Variants in SLFN14 observed in about 807,000 individuals in gnomAD.
The protein encoded by SLFN14 is schlafen family member 14, also known as protein SLFN14.
SLFN14 carries 47 observed loss-of-function variants against 58.6 expected under a neutral mutation model. The ratio of observed to expected loss-of-function variants is 0.80; its 90% CI spans 0.64 to 1.02. SLFN14 has a LOEUF of 1.02. Among genes scored for constraint, SLFN14 ranks in the 50% least tolerant of loss-of-function variants. The pLI is 0.00. For synonymous variants in SLFN14, 390 were observed against 387.3 expected, an observed-to-expected ratio of 1.01 and a Z score of -0.08; for missense variants, 967 against 1,078.4, an observed-to-expected ratio of 0.90 and a Z score of 1.45.
intron 1 of SLFN14, among the ~76,000 whole-genome samples, chr17:35,560,083 T>G (rs1250404582): frequency 1.3e-5 from 2 of 152,186 alleles, no homozygotes; most frequent in Non-Finnish European, 1.5e-5. Flanking sequence ...GTCCCTCTAG[T>G]CCCTTCTAAT....
In SLFN14 at chr17:35,552,987, C is replaced by T; in HGVS notation, c.1647G>A (p.Val549=). 1 of 1,551,572 alleles carries T rather than the reference C, an allele frequency of 6.4e-7. No individual in the cohort carries two copies. ...GAGATCTGGAGGACAGGGAGACCAC[C>T]ACCAGAGCCTGCAGCAAGTCTTCCA... ...EEMEDLLQAL[V]VVSLSSRSLL... is the part of the protein sequence containing the mutation. Residue 549 remains valine (V), a synonymous_variant, in exon 5 of 6, where the codon GTG becomes GTA. Coordinates refer to ENST00000674182, the MANE Select transcript of SLFN14 (RefSeq NM_001129820.2).
chr17:35,548,280 T>C lies in SLFN14; in HGVS notation c.2698A>G (p.Lys900Glu). 1 of 1,551,710 alleles carries C rather than the reference T, an allele frequency of 6.4e-7. No individual in the cohort carries two copies. Among genetic ancestry groups the C allele is most frequent in the Non-Finnish European group, 8.7e-7 (1 of 1,146,978 alleles). The change falls in exon 6 of 6, where the codon AAA becomes GAA. Residue 900 changes from lysine (K) to glutamate (E), a missense_variant. By Grantham distance (56) the Lys-to-Glu change is moderately conservative (BLOSUM62 1). Coordinates refer to ENST00000674182, the MANE Select transcript of SLFN14 (RefSeq NM_001129820.2). ...HKLCFASRAI[K>E]HLYLLYEKRA... is the part of the protein sequence containing the mutation. ...TTTTCATAAAGCAGGTAGAGGTGTT[T>C]AATGGCTCTTGAAGCAAAGCAGAGC...
chr17:35,557,404 AC>A lies in SLFN14; in HGVS notation c.658del (p.Val220SerfsTer43). Reference protein sequence around the residue: ...VEFKRFTTKKVIPRIKEMLPH... With the variant: ...VEFKRFTTKKXIPRIKEMLPH... ...CAGCATTTCCTTAATCCGAGGTATG[AC>A]TTTTTTGGTGGTGAACCTTTTAAAT... On this transcript the variant is annotated frameshift_variant, in exon 3 of 6. Transcript: ENST00000674182. LOFTEE classifies it high-confidence loss of function. 6.4e-7 allele frequency: 1 copy of A among 1,551,672 alleles called. No homozygotes were observed. The highest frequency in any genetic ancestry group is 2.4e-5 in the East Asian group (1 of 40,918).
chr17:35,545,729 T>C lies in SLFN14; in HGVS notation c.*2510A>G, dbSNP rs986298341. On this transcript the variant is annotated 3_prime_UTR_variant, in exon 6 of 6. Coordinates refer to ENST00000674182, the MANE Select transcript of SLFN14 (RefSeq NM_001129820.2). ...GTTGCCCAGGCTGGTCTCCAACTCC[T>C]GGCTTCAAGTGATTCCCCCAGACCT... 6.6e-6 allele frequency among the ~76,000 whole-genome samples: 1 copy of C among 152,152 alleles called. No individual in the cohort carries two copies. The highest frequency in any genetic ancestry group is 2.4e-5 in the African/African-American group (1 of 41,432).
chr17:35,554,168 T>A (rs1187138614), intron 4 of SLFN14, among the ~76,000 whole-genome samples: 1 of 151,758 alleles, frequency 6.6e-6, no homozygotes, highest in African/African-American at 2.4e-5. Context: ...TTTTTGATGG[T>A]TGAGACCTGA....
At chr17:35,549,155 A>G in intron 5 of SLFN14, 82 bp from the exon 6 acceptor site, 1 of 1,087,556 alleles carries the variant, frequency 9.2e-7, no homozygotes, top group South Asian at 1.5e-5. Context: ...ATGGAATCAG[A>G]GGCTGATTCT....
In SLFN14 at chr17:35,547,334, CAA is replaced by C. The variant is rs1032621601; in HGVS notation, c.*903_*904del. 6.6e-6 allele frequency among the ~76,000 whole-genome samples: 1 copy of C among 151,968 alleles called. No individual in the cohort carries two copies. Among genetic ancestry groups the C allele is most frequent in the African/African-American group, 2.4e-5 (1 of 41,356 alleles). On this transcript the variant is annotated 3_prime_UTR_variant, in exon 6 of 6. Coordinates refer to ENST00000674182, the MANE Select transcript of SLFN14 (RefSeq NM_001129820.2). ...AATCTTATTTTATATTAAGTTGGTG[CAA>C]AAGTAATTGTGGCTTTTGCACTTTT...
Position 35,552,957 on chromosome 17 carries a change from C to G in SLFN14, c.1677G>C (p.Leu559=). 1 of 1,551,576 alleles carries G rather than the reference C, an allele frequency of 6.4e-7. No individual in the cohort carries two copies. The highest frequency in any genetic ancestry group is 1.2e-5 in the South Asian group (1 of 84,038). Residue 559 remains leucine, a synonymous_variant, in exon 5 of 6, where the codon CTG becomes CTC. Transcript: ENST00000674182. ...AAAATTCACAGCCCATCTGGTCACTCAGAAGAGATCTGGAGGACAGGGAGA... is the reference window on the plus strand; with the variant it reads ...AAAATTCACAGCCCATCTGGTCACTGAGAAGAGATCTGGAGGACAGGGAGA... ...VVVSLSSRSL[L]SDQMGCEFFN...
Position 35,557,240 on chromosome 17 carries a change from T to C in SLFN14, c.823A>G (p.Ile275Val), listed in dbSNP as rs1203355989. The change falls in exon 3 of 6, where the codon ATA becomes GTA. Residue 275 changes from isoleucine (I) to valine (V), a missense_variant. Coordinates refer to ENST00000674182, the MANE Select transcript of SLFN14 (RefSeq NM_001129820.2). ...AAGTGGAATGTAGGCAATTTTTCTATGCAGTTTTCGATTTCTTTTTTTAGT... is the reference window on the plus strand; with the variant it reads ...AAGTGGAATGTAGGCAATTTTTCTACGCAGTTTTCGATTTCTTTTTTTAGT... ...DLLKKEIENC[I>V]EKLPTFHFCC... 7.1e-6 allele frequency: 11 copies of C among 1,551,652 alleles called. No individual in the cohort carries two copies. Among genetic ancestry groups the C allele is most frequent in the East Asian group, 2.4e-5 (1 of 40,938 alleles).
rs1482897903 is a variant in SLFN14, at chr17:35,545,725, C to T, written c.*2514G>A. Among the ~76,000 whole-genome samples, 3 of 152,172 alleles carry T rather than the reference C, an allele frequency of 2.0e-5. No individual in the cohort carries two copies. The highest frequency in any genetic ancestry group is 2.9e-5 in the Non-Finnish European group (2 of 68,032). ...TTATGTTGCCCAGGCTGGTCTCCAA[C>T]TCCTGGCTTCAAGTGATTCCCCCAG... On this transcript the variant is annotated 3_prime_UTR_variant, in exon 6 of 6. Coordinates refer to ENST00000674182, the MANE Select transcript of SLFN14 (RefSeq NM_001129820.2).
rs1208770440 is a variant in SLFN14 at position 35,548,021 on chromosome 17, T to TA, written c.*217dup. 1.8e-6 allele frequency: 1 copy of TA among 568,782 alleles called. No homozygotes were observed. Among genetic ancestry groups the TA allele is most frequent in the Non-Finnish European group, 3.1e-6 (1 of 320,112 alleles). The allele number at this position is 568,782 out of a possible 1,614,324, so 35.2% of individuals were successfully genotyped here. On this transcript the variant is annotated 3_prime_UTR_variant, in exon 6 of 6. Coordinates refer to ENST00000674182, the MANE Select transcript of SLFN14 (RefSeq NM_001129820.2). Reference sequence around the variant, plus strand: ...CTGGAGACAGGGGACTAATGAAGTCTATTGTAATTGTATAGGTAGGAGGTG... The same window carrying TA: ...CTGGAGACAGGGGACTAATGAAGTCTAATTGTAATTGTATAGGTAGGAGGTG...
rs537835583 is a variant in SLFN14, at chr17:35,557,738, C to A, written c.325G>T (p.Val109Leu). ...AAAACATCTGGGCTCCATGACTTCA[C>A]AAAAATCAGGAGATTGTGCCCCTGC... ...MQQGHNLLIF[V>L]KSWSPDVFSL... Residue 109 changes from valine to leucine, a missense_variant, in exon 3 of 6, where the codon GTG (valine) becomes TTG (leucine). Coordinates refer to ENST00000674182, the MANE Select transcript of SLFN14 (RefSeq NM_001129820.2). 3 of 1,551,702 alleles carry A rather than the reference C, an allele frequency of 1.9e-6. No homozygotes were observed. Among genetic ancestry groups the A allele is most frequent in the South Asian group, 2.4e-5 (2 of 84,056 alleles).
In SLFN14 at chr17:35,544,894, C is replaced by A. The variant is rs1379451662; in HGVS notation, c.*3345G>T. ...GCTTCCATGATAATATTATATTACC[C>A]TTCTTTTTAAAAGTAAGTTTTAGAA... On this transcript the variant is annotated 3_prime_UTR_variant, in exon 6 of 6. Coordinates refer to ENST00000674182, the MANE Select transcript of SLFN14 (RefSeq NM_001129820.2). 1.3e-5 allele frequency among the ~76,000 whole-genome samples: 2 copies of A among 152,130 alleles called. No individual in the cohort carries two copies. The highest frequency in any genetic ancestry group is 4.8e-5 in the African/African-American group (2 of 41,418).
chr17:35,544,791 G>T lies in SLFN14; in HGVS notation c.*3448C>A. Among the ~76,000 whole-genome samples the T allele has an allele frequency of 6.6e-6, 1 of 152,048 alleles. No homozygotes were observed. Among genetic ancestry groups the T allele is most frequent in the Non-Finnish European group, 1.5e-5 (1 of 67,984 alleles). On this transcript the variant is annotated 3_prime_UTR_variant, in exon 6 of 6. Coordinates refer to ENST00000674182, the MANE Select transcript of SLFN14 (RefSeq NM_001129820.2). ...GATTCACCCACCTCAGCCTCCCAAA[G>T]TGCTAGGATTACCAGCATGAGCCCC...
chr17:35,557,663 CT>C lies in SLFN14; in HGVS notation c.399del (p.Asp134MetfsTer2), dbSNP rs1410666628. ...ICSLRSNLYR[R>X]DVTSAINLSA... ...CTCAAGTTGATAGCAGAAGTCACATCTCTCCGATACAAATTGGAGCGCAAGC... is the reference window on the plus strand; with the variant it reads ...CTCAAGTTGATAGCAGAAGTCACATCCTCCGATACAAATTGGAGCGCAAGC... On this transcript the variant is annotated frameshift_variant, in exon 3 of 6. Transcript: ENST00000674182. LOFTEE classifies it high-confidence loss of function. 1 of 1,551,720 alleles carries C rather than the reference CT, an allele frequency of 6.4e-7. No homozygotes were observed. The highest frequency in any genetic ancestry group is 2.4e-5 in the East Asian group (1 of 40,928).
chr17:35,552,771 G>C lies in SLFN14; in HGVS notation c.1863C>G (p.Ile621Met). ...KDLFHCKPKE[I>M]LYVCESDSLK... ...GGGAGTCGCTTTCACAAACATAGAG[G>C]ATCTCTTTTGGTTTGCAGTGAAACA... is the stretch of plus-strand genomic sequence containing the variant. Residue 621 changes from isoleucine to methionine, a missense_variant, in exon 5 of 6, where the codon ATC becomes ATG. Physicochemically the swap from Ile to Met is conservative, Grantham distance 10 (BLOSUM62 1). Transcript: ENST00000674182. 1 of 1,550,800 alleles carries C rather than the reference G, an allele frequency of 6.4e-7. No individual in the cohort carries two copies. Among genetic ancestry groups the C allele is most frequent in the Non-Finnish European group, 8.7e-7 (1 of 1,146,818 alleles).
In SLFN14 at chr17:35,553,135, C is replaced by A. The variant is rs992274832; in HGVS notation, c.1499G>T (p.Gly500Val). ...GATGCACACTTTCCCTGTGTAACCA[C>A]CAACAGTTTGCAGTTTCTGCTTTAA... ...HQLKQKLQTV[G>V]GYTGKVCIIP... is the part of the protein sequence containing the mutation. Residue 500 changes from glycine to valine, a missense_variant, in exon 5 of 6, where the codon GGT becomes GTT. Physicochemically the swap from Gly to Val is moderately radical, Grantham distance 109. Coordinates refer to ENST00000674182, the MANE Select transcript of SLFN14 (RefSeq NM_001129820.2). The A allele has an allele frequency of 6.4e-7, 1 of 1,551,686 alleles. No homozygotes were observed. Among genetic ancestry groups the A allele is most frequent in the African/African-American group, 1.4e-5 (1 of 73,146 alleles).
chr17:35,548,916 C>G lies in SLFN14; in HGVS notation c.2062G>C (p.Gly688Arg). 1 of 1,551,674 alleles carries G rather than the reference C, an allele frequency of 6.4e-7. No homozygotes were observed. Among genetic ancestry groups the G allele is most frequent in the Non-Finnish European group, 8.7e-7 (1 of 1,146,980 alleles). The part of the protein sequence containing the change: ...AKNITHPKAK[G>R]TGSENLHHGI... ...TGGTGAAGGTTTTCACTTCCAGTCC[C>G]CTTCGCCTTTGGATGGGTGATGTTC... is the stretch of plus-strand genomic sequence containing the variant. The change falls in exon 6 of 6, where the codon GGG (glycine) becomes CGG (arginine). Residue 688 changes from glycine to arginine, a missense_variant. By Grantham distance (125) the Gly-to-Arg change is moderately radical. Transcript: ENST00000674182.
chr17:35,554,528 A>C lies in SLFN14; in HGVS notation c.1189+48T>G, dbSNP rs1597908060. 4.1e-6 allele frequency: 6 copies of C among 1,471,442 alleles called. No individual in the cohort carries two copies. In the East Asian group the frequency reaches 1.6e-4, roughly 39 times the overall value. The allele number at this position is 1,471,442 out of a possible 1,614,324, so 91.1% of individuals were successfully genotyped here. A position where few individuals can be genotyped will look rare whatever the true frequency, so the allele number is the denominator to read the frequency against. On this transcript the variant is annotated intron_variant, in intron 4 of 5. Coordinates refer to ENST00000674182, the MANE Select transcript of SLFN14 (RefSeq NM_001129820.2). ...CATTACTACTAACACCTCCCAACTC[A>C]ATTTTAGAAAACAAATAGTCCCCTA... is the stretch of plus-strand genomic sequence containing the variant.
Sources: allele counts gnomAD v4.1 joint callset (sites outside exome capture counted in the v4.1 genomes callset), GRCh38; gene constraint gnomAD v4.1.1; transcripts MANE v1.5; gene names NCBI Gene and HGNC (gene_info 2026-07-23, HGNC 2026-07-21).